Variants in PHF24 observed in about 807,000 individuals in gnomAD.
PHF24 encodes the protein Galpha inhibitory interacting protein.
A neutral mutation model predicts 42.6 loss-of-function variants in PHF24; 25 were observed. The ratio of observed to expected loss-of-function variants is 0.59; its 90% CI spans 0.43 to 0.82. The LOEUF is 0.82. Among genes scored for constraint, PHF24 ranks in the 40% least tolerant of loss-of-function variants. The probability of loss-of-function intolerance (pLI) is 0.00; values close to 1 mark genes in which losing one functional copy is unlikely to be tolerated. For missense variants in PHF24, 470 were observed against 538.1 expected (o/e 0.87, Z 1.25); for synonymous variants, 185 against 204.8 (o/e 0.90, Z 0.83).
At chr9:34,915,852 A>G in the PHF24 span, among the ~76,000 whole-genome samples, 27 of 152,240 alleles carry the variant, frequency 1.8e-4, no homozygotes, top group Non-Finnish European at 2.8e-4. Flanking sequence ...TTGAATTGTA[A>G]TAATCCCTAC....
the PHF24 span, among the ~76,000 whole-genome samples, chr9:34,839,108 C>A: frequency 6.6e-6 from 1 of 152,294 alleles, no homozygotes; most frequent in Admixed American, 6.5e-5. Flanking sequence ...TGGCCTCAAG[C>A]TTGCAGATGG....
the PHF24 span, among the ~76,000 whole-genome samples, chr9:34,675,448 G>C: frequency 6.6e-6 from 1 of 152,200 alleles, no homozygotes; most frequent in Admixed American, 6.5e-5. Flanking sequence ...CTGGGAAGGG[G>C]TCTGCTTCAC....
At chr9:34,932,960 A>G in the PHF24 span, among the ~76,000 whole-genome samples, 1 of 148,702 alleles carries the variant, frequency 6.7e-6, no homozygotes, top group African/African-American at 2.5e-5. Flanking sequence ...TCCCCACAGT[A>G]TAAGCTTCAT....
the PHF24 span, among the ~76,000 whole-genome samples, chr9:34,769,403 G>A: frequency 6.6e-6 from 1 of 152,202 alleles, no homozygotes; most frequent in African/African-American, 2.4e-5. Context: ...TTACAGGCAT[G>A]AGCCACCATG....
the PHF24 span, among the ~76,000 whole-genome samples, chr9:34,675,139 T>C: frequency 6.6e-6 from 1 of 152,214 alleles, no homozygotes; most frequent in East Asian, 1.9e-4. Context: ...AGTATAGGTG[T>C]GAGCCACTGC....
the PHF24 span, among the ~76,000 whole-genome samples, chr9:34,703,031 T>G: frequency 9.9e-5 from 15 of 152,172 alleles, no homozygotes; most frequent in Admixed American, 9.8e-4. Flanking sequence ...TTAAGACATA[T>G]TTCACAGGTA....
the PHF24 span, among the ~76,000 whole-genome samples, chr9:34,778,628 T>G: frequency 6.6e-6 from 1 of 152,130 alleles, no homozygotes; most frequent in Non-Finnish European, 1.5e-5. Flanking sequence ...GAAGAAAAAC[T>G]AACAGAACTG....
the PHF24 span, among the ~76,000 whole-genome samples, chr9:34,801,162 A>G: frequency 6.6e-6 from 1 of 152,222 alleles, no homozygotes; most frequent in Non-Finnish European, 1.5e-5. Context: ...TCAGGAAACA[A>G]CAGATGCTGG....
chr9:34,758,458 G>A, the PHF24 span, among the ~76,000 whole-genome samples: 1 of 152,124 alleles, frequency 6.6e-6, no homozygotes, highest in Admixed American at 6.5e-5. This position sits in a 1 kb window ranked among gnomAD's most constrained non-coding sequence, Gnocchi z 4.4. Context: ...CTGGCTGGAA[G>A]TATAGGCAGC....
the PHF24 span, chr9:34,837,221 A>G: frequency 2.3e-6 from 1 of 434,884 alleles, no homozygotes; most frequent in South Asian, 1.7e-5. Context: ...TCTCAGCAAG[A>G]AGACACTGAG....
At chr9:34,896,601 C>G in the PHF24 span, among the ~76,000 whole-genome samples, 1 of 152,176 alleles carries the variant, frequency 6.6e-6, no homozygotes, top group Non-Finnish European at 1.5e-5. Context: ...AAACTTGTGG[C>G]TCTTTGGTTG....
At chr9:34,846,902 A>G in the PHF24 span, among the ~76,000 whole-genome samples, 1 of 152,152 alleles carries the variant, frequency 6.6e-6, no homozygotes, top group Admixed American at 6.5e-5. Flanking sequence ...CAAAGATCAG[A>G]TAGTTGTAGA....
exon 5 of PHF24, chr9:34,976,591 G>A (rs1563936866): frequency 8.1e-6 from 13 of 1,614,192 alleles, no homozygotes; most frequent in Non-Finnish European, 1.1e-5. Context: ...AGCCAAGCGG[G>A]GGGACCGTGA....
chr9:34,684,132 C>T, the PHF24 span, among the ~76,000 whole-genome samples: 2 of 152,196 alleles, frequency 1.3e-5, no homozygotes, highest in Non-Finnish European at 2.9e-5. Context: ...TCCTGATCCA[C>T]ACTTTTGTTT....
chr9:34,875,642 G>A, the PHF24 span, among the ~76,000 whole-genome samples: 7 of 152,010 alleles, frequency 4.6e-5, no homozygotes, highest in African/African-American at 7.2e-5. Flanking sequence ...AAAACATACC[G>A]TGAAAGATTT....
At position 34,968,590 on chromosome 9, in the gene PHF24, G is replaced by A. The variant is rs534349873; in HGVS notation, c.-4-2705G>A. On this transcript the variant is annotated intron_variant, in intron 1 of 7. Coordinates refer to ENST00000242315, the Ensembl canonical transcript of PHF24. The stretch of plus-strand genomic sequence containing the variant: ...AATATGAATTTCCTTGGTAGTAGTA[G>A]TGGCAAGGCAAGCACGTGAGCAGTG... Among the ~76,000 whole-genome samples, 9 of 152,296 alleles carry A rather than the reference G, an allele frequency of 5.9e-5. No homozygotes were observed. In the South Asian group the frequency reaches 1.9e-3, roughly 32 times the overall value.
At chr9:34,836,076 A>G in the PHF24 span, 1 of 556,564 alleles carries the variant, frequency 1.8e-6, no homozygotes, top group South Asian at 1.5e-5. Context: ...CATGGCAAAC[A>G]TTAATGATGG....
chr9:34,876,211 C>T, the PHF24 span, among the ~76,000 whole-genome samples: 9 of 151,990 alleles, frequency 5.9e-5, no homozygotes, highest in African/African-American at 9.7e-5. Context: ...GGATGTTTAT[C>T]GCAGCTTTAT....
At chr9:34,773,874 C>T in the PHF24 span, among the ~76,000 whole-genome samples, 2 of 152,218 alleles carry the variant, frequency 1.3e-5, no homozygotes, top group East Asian at 3.9e-4. Context: ...TTTATGACAG[C>T]TGAATGTAAT....
Sources: allele counts gnomAD v4.1 joint callset (sites outside exome capture counted in the v4.1 genomes callset), GRCh38; gene constraint gnomAD v4.1.1; non-coding constraint Gnocchi (gnomAD v3.1); transcripts MANE v1.5; gene names NCBI Gene and HGNC (gene_info 2026-07-23, HGNC 2026-07-21).